FRMD5: variants seen among roughly 807,000 people sequenced by gnomAD.
The protein encoded by FRMD5 is FERM domain-containing protein 5.
In FRMD5, 20 loss-of-function variants were observed where a neutral mutation model predicts 69.0. The observed-to-expected ratio is 0.29, with a 90% CI of 0.20 to 0.42. FRMD5 has a LOEUF of 0.42. FRMD5 is among the 10% of genes least tolerant of loss of function. The pLI is 1.00. For missense variants in FRMD5, 595 were observed against 708.6 expected (o/e 0.84, Z 1.82); for synonymous variants, 271 against 260.1 (o/e 1.04, Z -0.40).
chr15:43,922,311 G>A (rs769486262), intron 2 of FRMD5, among the ~76,000 whole-genome samples: 1 of 152,154 alleles, frequency 6.6e-6, no homozygotes, highest in Admixed American at 6.5e-5. Context: ...TTATCATTAG[G>A]GATACTCATC....
At chr15:44,033,025 G>A (rs1891752229) in intron 1 of FRMD5, among the ~76,000 whole-genome samples, 1 of 152,142 alleles carries the variant, frequency 6.6e-6, no homozygotes. Context: ...ATACTATGCA[G>A]CCATAAAAAA....
intron 1 of FRMD5, among the ~76,000 whole-genome samples, chr15:43,948,549 T>C (rs1259910757): frequency 6.6e-6 from 1 of 152,252 alleles, no homozygotes; most frequent in Non-Finnish European, 1.5e-5. Flanking sequence ...ATTTCGGTAA[T>C]TTGGTGGTTG....
intron 1 of FRMD5, among the ~76,000 whole-genome samples, chr15:44,051,935 TGGC>T (rs1453342201): frequency 6.6e-6 from 1 of 152,154 alleles, no homozygotes; most frequent in African/African-American, 2.4e-5. Context: ...CTTCATTGCC[TGGC>T]TAAGGCAATG....
rs746803596 is a variant in FRMD5 at position 43,919,582 on chromosome 15, A to T, written c.251-45T>A. The T allele has an allele frequency of 4.3e-5, 69 of 1,591,322 alleles. 3 individuals are homozygous for T. The Admixed American group carries it at 4.5e-4, about 10-fold the overall frequency. Reference sequence around the variant, plus strand: ...CTCATCAGGGAAGACTCTCACCCAGAAGAGGACAGGGCTCTTCTGCCCACT... The same window carrying T: ...CTCATCAGGGAAGACTCTCACCCAGTAGAGGACAGGGCTCTTCTGCCCACT... On this transcript the variant is annotated intron_variant, in intron 3 of 13. Transcript: ENST00000417257.
intron 1 of FRMD5, among the ~76,000 whole-genome samples, chr15:43,993,046 A>G (rs952972045): frequency 2.6e-5 from 4 of 152,080 alleles, no homozygotes; most frequent in African/African-American, 9.7e-5. Flanking sequence ...TAATTTCCAT[A>G]TATTTGGAAA....
At chr15:44,016,465 G>A (rs1890961654) in intron 1 of FRMD5, among the ~76,000 whole-genome samples, 1 of 152,174 alleles carries the variant, frequency 6.6e-6, no homozygotes, top group African/African-American at 2.4e-5. Context: ...GTTCACAACT[G>A]TAATCCCAGC....
chr15:44,134,926 T>C (rs980487257), intron 1 of FRMD5, among the ~76,000 whole-genome samples: 1 of 152,016 alleles, frequency 6.6e-6, no homozygotes, highest in Non-Finnish European at 1.5e-5. Context: ...GCAAGAAGAT[T>C]AGGGCTAGAA....
At position 43,980,739 on chromosome 15, in the gene FRMD5, T is replaced by C. The variant is rs186996701; in HGVS notation, c.103-56430A>G. 6.5e-4 allele frequency among the ~76,000 whole-genome samples: 99 copies of C among 152,206 alleles called. 1 individual carries two copies. The highest frequency in any genetic ancestry group is 1.1e-3 in the Non-Finnish European group (78 of 68,008). ...TGGAGGTAGCCTAGGAGACCGAAAATACATGTTATTTAATGAAGGAGAATA... is the reference window on the plus strand; with the variant it reads ...TGGAGGTAGCCTAGGAGACCGAAAACACATGTTATTTAATGAAGGAGAATA... On this transcript the variant is annotated intron_variant, in intron 1 of 13. Transcript: ENST00000417257.
At chr15:43,914,581 C>G (rs1247427179) in intron 4 of FRMD5, among the ~76,000 whole-genome samples, 1 of 152,060 alleles carries the variant, frequency 6.6e-6, no homozygotes, top group Non-Finnish European at 1.5e-5. Flanking sequence ...AACCTGGAGT[C>G]CTGTTAATGG....
chr15:44,195,071 C>T lies in FRMD5; in HGVS notation c.-17G>A, dbSNP rs745404762. On this transcript the variant is annotated 5_prime_UTR_variant, in exon 1 of 14. Transcript: ENST00000417257. Reference sequence around the variant, plus strand: ...GCTCAGCATCTTCCCGCCCGCCCGCCCGGGAGCGACGCGGCGGCGCTGCGG... The same window carrying T: ...GCTCAGCATCTTCCCGCCCGCCCGCTCGGGAGCGACGCGGCGGCGCTGCGG... 1.5e-5 allele frequency: 23 copies of T among 1,506,372 alleles called. No individual in the cohort carries two copies. The highest frequency in any genetic ancestry group is 1.5e-5 in the Non-Finnish European group (17 of 1,133,008). 93.3% of individuals were successfully genotyped at this position (1,506,372 alleles called of 1,614,324 possible).
intron 1 of FRMD5, among the ~76,000 whole-genome samples, chr15:44,097,236 ATGAG>A (rs760021580): frequency 3.9e-5 from 6 of 152,250 alleles, no homozygotes; most frequent in Admixed American, 3.3e-4. Context: ...GCCAGAGTTG[ATGAG>A]TGAGAGTAAA....
chr15:43,990,463 A>T (rs547212064), intron 1 of FRMD5, among the ~76,000 whole-genome samples: 1 of 152,092 alleles, frequency 6.6e-6, no homozygotes, highest in Admixed American at 6.5e-5. Context: ...ATGTTTTTTC[A>T]TTTCTCTATA....
intron 1 of FRMD5, among the ~76,000 whole-genome samples, chr15:43,969,912 G>C (rs992142512): frequency 1.3e-5 from 2 of 152,088 alleles, no homozygotes; most frequent in Admixed American, 6.6e-5. Context: ...CTGTGTTCTG[G>C]TATAAGCATC....
chr15:43,934,203 C>A (rs537433419), intron 1 of FRMD5, among the ~76,000 whole-genome samples: 33 of 152,288 alleles, frequency 2.2e-4, no homozygotes, highest in African/African-American at 7.2e-4. Flanking sequence ...TAGTTCCATG[C>A]CAAGGAGGCA....
At chr15:43,933,783 C>A (rs1235963104) in intron 1 of FRMD5, among the ~76,000 whole-genome samples, 1 of 152,178 alleles carries the variant, frequency 6.6e-6, no homozygotes, top group African/African-American at 2.4e-5. Flanking sequence ...CTTGCAAGTT[C>A]GAGTCCCCAA....
At chr15:43,884,529 C>G (rs1221417648) in intron 12 of FRMD5, among the ~76,000 whole-genome samples, 198 bp downstream of exon 12, 2 of 152,184 alleles carry the variant, frequency 1.3e-5, no homozygotes, top group African/African-American at 4.8e-5. Context: ...TCTGCAGTAG[C>G]CCTTCCTCCC....
At chr15:44,162,773 AG>A (rs1190337387) in intron 1 of FRMD5, among the ~76,000 whole-genome samples, 2 of 148,456 alleles carry the variant, frequency 1.3e-5, no homozygotes, top group Non-Finnish European at 3.0e-5. Context: ...AAGCTGAGGC[AG>A]GAGAATTGCT....
At position 43,874,149 on chromosome 15, in the gene FRMD5, A is replaced by C; in HGVS notation, c.1449T>G (p.Cys483Trp). The change falls in exon 14 of 14, where the codon TGT becomes TGG. Residue 483 changes from cysteine to tryptophan, a missense_variant. Around this residue, in one of 5 missense-constraint regions of FRMD5, gnomAD observed 245 missense variants for 227.1 expected, o/e 1.08. Transcript: ENST00000417257. ...EALGGELRALCQGHSGPEEEQ... is the reference protein window; with the variant it reads ...EALGGELRALWQGHSGPEEEQ... Reference sequence around the variant, plus strand: ...CCTCCTCGGGCCCGCTGTGCCCCTGACACAGGGCCCTCAGCTCTCCCCCAA... The same window carrying C: ...CCTCCTCGGGCCCGCTGTGCCCCTGCCACAGGGCCCTCAGCTCTCCCCCAA... 6.2e-7 allele frequency: 1 copy of C among 1,614,226 alleles called. No individual in the cohort carries two copies. Among genetic ancestry groups the C allele is most frequent in the Non-Finnish European group, 8.5e-7 (1 of 1,180,044 alleles).
chr15:44,100,210 C>T (rs962485544), intron 1 of FRMD5, among the ~76,000 whole-genome samples: 2 of 151,296 alleles, frequency 1.3e-5, no homozygotes, highest in South Asian at 2.1e-4. Context: ...TGTGCCACCA[C>T]ACCCGGCTAA....
Sources: gnomAD v4.1 joint callset for allele counts (sites outside exome capture counted in the v4.1 genomes callset) on GRCh38, gnomAD v4.1.1 for gene constraint, gnomAD v4.1.1 regional missense constraint, MANE v1.5 for transcripts, NCBI Gene and HGNC (gene_info 2026-07-23, HGNC 2026-07-21) for gene names.